LAMB3: variants seen among roughly 807,000 people sequenced by gnomAD.
LAMB3 encodes laminin subunit beta-3.
In LAMB3, 104 loss-of-function variants were observed where a neutral mutation model predicts 140.3. The ratio of observed to expected loss-of-function variants is 0.74; its 90% CI spans 0.63 to 0.87. LAMB3 has a LOEUF of 0.87. Ranked by LOEUF, LAMB3 falls within the 40% of genes least tolerant of loss-of-function variation. LAMB3 has a pLI of 0.00. For missense variants in LAMB3, 1,531 were observed against 1,575.2 expected, an observed-to-expected ratio of 0.97 and a Z score of 0.47; for synonymous variants, 592 against 602.9, an observed-to-expected ratio of 0.98 and a Z score of 0.26.
rs2102422720 is a variant in LAMB3 at position 209,626,892 on chromosome 1, A to G, written c.1572T>C (p.Tyr524=). 1 of 1,613,874 alleles carries G rather than the reference A, an allele frequency of 6.2e-7. No homozygotes were observed. The change falls in exon 13 of 23, where the codon TAT becomes TAC. Residue 524 remains tyrosine, a synonymous_variant. Coordinates refer to ENST00000356082, the MANE Select transcript of LAMB3 (RefSeq NM_000228.3). ...AAIRQCPDRT[Y]GDVATGCRAC... ...CTCGGCATCCTGTGGCCACGTCTCC[A>G]TAGGTCCGGTCTGGACACTGGCGGA...
rs773861793 is a variant in LAMB3, at chr1:209,616,599, T to C, written c.3254A>G (p.Tyr1085Cys). 4.3e-6 allele frequency: 7 copies of C among 1,614,216 alleles called. No homozygotes were observed. In the East Asian group the frequency reaches 1.6e-4, roughly 36 times the overall value. The change falls in exon 22 of 23, where the codon TAT becomes TGT. Residue 1085 changes from tyrosine (Y) to cysteine (C), a missense_variant. Physicochemically the swap from Tyr to Cys is radical, Grantham distance 194. Coordinates refer to ENST00000356082, the MANE Select transcript of LAMB3 (RefSeq NM_000228.3). ...ACCCAACCGGTCCTTCAACTCAGCATACTTTTGTTTTATTCTCTCAAATCC... is the reference window on the plus strand; with the variant it reads ...ACCCAACCGGTCCTTCAACTCAGCACACTTTTGTTTTATTCTCTCAAATCC... Reference protein sequence around the residue: ...QEGFERIKQKYAELKDRLGQS... With the variant: ...QEGFERIKQKCAELKDRLGQS...
In LAMB3 at chr1:209,616,505, A is replaced by G; in HGVS notation, c.3348T>C (p.Phe1116=). The change falls in exon 22 of 23, where the codon TTT becomes TTC. Residue 1116 remains phenylalanine, a synonymous_variant. Transcript: ENST00000356082. ...TGTCCATCATCTCCATGGTCTCCCCAAACAGCTCCTCTGCCTCTGTCTTCA... is the reference window on the plus strand; with the variant it reads ...TGTCCATCATCTCCATGGTCTCCCCGAACAGCTCCTCTGCCTCTGTCTTCA... ...QSVKTEAEEL[F]GETMEMMDRM... The G allele has an allele frequency of 1.2e-6, 2 of 1,614,170 alleles. No homozygotes were observed. Among genetic ancestry groups the G allele is most frequent in the Non-Finnish European group, 1.7e-6 (2 of 1,180,028 alleles).
intron 13 of LAMB3, 62 bp from the exon 14 acceptor site, chr1:209,626,088 G>A: frequency 1.3e-6 from 2 of 1,572,586 alleles, no homozygotes; most frequent in Non-Finnish European, 1.7e-6. Flanking sequence ...AGCTGTCAGG[G>A]AGAGCCCTGA....
intron 3 of LAMB3, among the ~76,000 whole-genome samples, chr1:209,648,922 A>T (rs536307298): frequency 6.6e-6 from 1 of 152,222 alleles, no homozygotes; most frequent in African/African-American, 2.4e-5. Flanking sequence ...CCTGATGCTC[A>T]TGGAGTAATC....
chr1:209,643,102 G>A (rs1401415838), intron 3 of LAMB3, among the ~76,000 whole-genome samples: 1 of 152,248 alleles, frequency 6.6e-6, no homozygotes, highest in Non-Finnish European at 1.5e-5. Context: ...AGCTCTGCCT[G>A]TCAACGAGCT....
chr1:209,623,220 C>G lies in LAMB3; in HGVS notation c.2359-41G>C. On this transcript the variant is annotated intron_variant, in intron 16 of 22. Transcript: ENST00000356082. This position sits in a 1 kb window ranked among gnomAD's most constrained non-coding sequence, Gnocchi z 4.2. ...GGTGTTAAAGAGGCTACCCAAAGCC[C>G]CTCAATAACCAATCCCACCCCACAC... 6.2e-7 allele frequency: 1 copy of G among 1,600,214 alleles called. No individual in the cohort carries two copies. Among genetic ancestry groups the G allele is most frequent in the South Asian group, 1.1e-5 (1 of 90,370 alleles).
rs899146611 is a variant in LAMB3 at position 209,630,434 on chromosome 1, C to T, written c.943+181G>A. On this transcript the variant is annotated intron_variant, in intron 9 of 22. Coordinates refer to ENST00000356082, the MANE Select transcript of LAMB3 (RefSeq NM_000228.3). Reference sequence around the variant, plus strand: ...CTAGCTGGGGACAGTGGGAGGATGTCACCCAAATACTCTCTCCATCCTCAC... The same window carrying T: ...CTAGCTGGGGACAGTGGGAGGATGTTACCCAAATACTCTCTCCATCCTCAC... The T allele has an allele frequency of 4.2e-6, 3 of 708,478 alleles. No individual in the cohort carries two copies. The South Asian group carries it at 5.6e-5, about 13-fold the overall frequency. The allele number at this position is 708,478 out of a possible 1,614,324, so 43.9% of individuals were successfully genotyped here.
Position 209,629,722 on chromosome 1 carries a change from G to T in LAMB3, c.1132+15C>A. 6.2e-7 allele frequency: 1 copy of T among 1,613,466 alleles called. No homozygotes were observed. Among genetic ancestry groups the T allele is most frequent in the South Asian group, 1.1e-5 (1 of 91,070 alleles). On this transcript the variant is annotated intron_variant, in intron 10 of 22. Coordinates refer to ENST00000356082, the MANE Select transcript of LAMB3 (RefSeq NM_000228.3). ...CAGACAAATGACACTCTGGGACTCC[G>T]GAGCCTCTACTCACAGATGCAGGTC...
chr1:209,640,809 C>T (rs755828008), intron 3 of LAMB3, among the ~76,000 whole-genome samples: 83 of 151,814 alleles, frequency 5.5e-4, no homozygotes, highest in Non-Finnish European at 1.0e-3. Context: ...AGGCCAGGCG[C>T]GGTGGCTCAC....
At chr1:209,615,738 C>T (rs1665936583) in intron 22 of LAMB3, among the ~76,000 whole-genome samples, 1 of 152,198 alleles carries the variant, frequency 6.6e-6, no homozygotes, top group South Asian at 2.1e-4. Context: ...CTCTAGTTCC[C>T]AGGAGCCCCT....
At chr1:209,630,561 GGGGCCAGCACTC>G in intron 9 of LAMB3, 42 bp downstream of exon 9, 2 of 1,607,712 alleles carry the variant, frequency 1.2e-6, no homozygotes, top group Admixed American at 3.3e-5. Flanking sequence ...AAGGCCTAGA[GGGGCCAGCACTC>G]GACCCAGACC....
chr1:209,630,205 C>T (rs1666628616), intron 9 of LAMB3, among the ~76,000 whole-genome samples: 1 of 152,208 alleles, frequency 6.6e-6, no homozygotes, highest in African/African-American at 2.4e-5. Flanking sequence ...CCTTTGAATG[C>T]TCTATCCCCA....
At position 209,622,557 on chromosome 1, in the gene LAMB3, G is replaced by C. The variant is rs1666238919; in HGVS notation, c.2680C>G (p.Gln894Glu). 9 of 1,614,048 alleles carry C rather than the reference G, an allele frequency of 5.6e-6. No individual in the cohort carries two copies. The highest frequency in any genetic ancestry group is 7.6e-6 in the Non-Finnish European group (9 of 1,179,998). The change falls in exon 18 of 23, where the codon CAG (glutamine) becomes GAG (glutamate). Residue 894 changes from glutamine to glutamate, a missense_variant. Gln to Glu is a conservative substitution (Grantham distance 29, BLOSUM62 2). Transcript: ENST00000356082. ...DVRRTRLLIQ[Q>E]VRDFLTDPDT... Reference sequence around the variant, plus strand: ...TCACCTGTTAGGAAGTCCCGGACCTGCTGGATTAGGAGCCGTGTGCGTCTG... The same window carrying C: ...TCACCTGTTAGGAAGTCCCGGACCTCCTGGATTAGGAGCCGTGTGCGTCTG...
intron 3 of LAMB3, among the ~76,000 whole-genome samples, chr1:209,645,268 G>A (rs903468065): frequency 6.6e-6 from 1 of 152,176 alleles, no homozygotes; most frequent in African/African-American, 2.4e-5. Context: ...TCTTGCTGAG[G>A]GATGAATGGC....
intron 3 of LAMB3, among the ~76,000 whole-genome samples, 193 bp from the exon 4 acceptor site, chr1:209,638,841 T>A (rs746076603): frequency 6.6e-6 from 1 of 152,168 alleles, no homozygotes; most frequent in Non-Finnish European, 1.5e-5. Context: ...ATCTTTTAAT[T>A]CCTTGGTGCC....
At chr1:209,619,786 T>C (rs777333836) in intron 18 of LAMB3, among the ~76,000 whole-genome samples, 1 of 152,188 alleles carries the variant, frequency 6.6e-6, no homozygotes, top group Non-Finnish European at 1.5e-5. Context: ...AACTAGAGGA[T>C]ACTAGCTGGT....
chr1:209,618,704 C>T, intron 18 of LAMB3, 45 bp from the exon 19 acceptor site: 1 of 1,580,764 alleles, frequency 6.3e-7, no homozygotes, highest in Admixed American at 1.7e-5. Context: ...ACTAACCTCC[C>T]CAGAGATACG....
intron 3 of LAMB3, 21 bp from the exon 4 acceptor site, chr1:209,638,669 A>G: frequency 6.6e-7 from 1 of 1,514,694 alleles, no homozygotes; most frequent in South Asian, 1.1e-5. Flanking sequence ...GGGAGATAGC[A>G]GACACTCAGA....
chr1:209,623,788 C>T lies in LAMB3; in HGVS notation c.2137+52G>A, dbSNP rs1571806856. 7 of 1,611,546 alleles carry T rather than the reference C, an allele frequency of 4.3e-6. No homozygotes were observed. The East Asian group carries it at 8.9e-5, about 21-fold the overall frequency. ...AGCAGGAGGGAGAGGGGGTGGCATG[C>T]CCACCACGGCAGTGCCCATGCCCGG... is the stretch of plus-strand genomic sequence containing the variant. On this transcript the variant is annotated intron_variant, in intron 15 of 22. Coordinates refer to ENST00000356082, the MANE Select transcript of LAMB3 (RefSeq NM_000228.3). This position sits in a 1 kb window ranked among gnomAD's most constrained non-coding sequence, Gnocchi z 4.2.
Sources: gnomAD v4.1 joint callset for allele counts (sites outside exome capture counted in the v4.1 genomes callset) on GRCh38, gnomAD v4.1.1 for gene constraint, Gnocchi (gnomAD v3.1) non-coding constraint, MANE v1.5 for transcripts, NCBI Gene and HGNC (gene_info 2026-07-23, HGNC 2026-07-21) for gene names.